CSMD1: variants seen among roughly 807,000 people sequenced by gnomAD.
CSMD1 encodes the protein CUB and sushi domain-containing protein 1.
A neutral mutation model predicts 417.5 loss-of-function variants in CSMD1; 213 were observed. The observed-to-expected ratio is 0.51, with a 90% CI of 0.46 to 0.57. The LOEUF is 0.57. Ranked by LOEUF, CSMD1 falls within the 20% of genes least tolerant of loss-of-function variation. The pLI, the probability that CSMD1 is intolerant of heterozygous loss-of-function variation, is 0.00. For synonymous variants in CSMD1, 2,862 were observed against 1,736.8 expected (o/e 1.65, Z -16.11); for missense variants, 6,923 against 4,529.7 (o/e 1.53, Z -15.17).
chr8:3,793,195 G>A (rs934456932), intron 5 of CSMD1, among the ~76,000 whole-genome samples: 3 of 152,236 alleles, frequency 2.0e-5, no homozygotes, highest in Middle Eastern at 6.8e-3. Context: ...TTTCTGTTTA[G>A]CAATTTTTCT....
intron 3 of CSMD1, among the ~76,000 whole-genome samples, chr8:4,175,545 G>T (rs1051155643): frequency 6.6e-6 from 1 of 152,098 alleles, no homozygotes; most frequent in African/African-American, 2.4e-5. Context: ...ATGTAGACAT[G>T]ATAAAACCAG....
At chr8:3,800,197 G>A (rs532100461) in intron 5 of CSMD1, among the ~76,000 whole-genome samples, 1 of 152,100 alleles carries the variant, frequency 6.6e-6, no homozygotes, top group Non-Finnish European at 1.5e-5. Context: ...ATTCAGCAGA[G>A]AGCAGAACTT....
chr8:3,956,661 G>A (rs926190754), intron 5 of CSMD1, among the ~76,000 whole-genome samples: 5 of 152,150 alleles, frequency 3.3e-5, no homozygotes, highest in Non-Finnish European at 7.3e-5. Context: ...TAAGACGACT[G>A]AAAATTATGA....
intron 3 of CSMD1, among the ~76,000 whole-genome samples, chr8:4,321,168 G>A (rs574552607): frequency 7.2e-5 from 11 of 151,918 alleles, no homozygotes; most frequent in East Asian, 3.9e-4. Flanking sequence ...CTGTCACCTC[G>A]CACAGTGATC....
chr8:4,582,749 C>T (rs1246730707), intron 2 of CSMD1, among the ~76,000 whole-genome samples: 2 of 152,250 alleles, frequency 1.3e-5, no homozygotes, highest in African/African-American at 2.4e-5. Context: ...CCCTTTGGCC[C>T]ACCGCTGCAC....
In CSMD1 at chr8:3,725,458, G is replaced by A. The variant is rs565663245; in HGVS notation, c.932-16967C>T. ...GACCAAAGCTGAAGGCGACTGTGGG[G>A]CCAAAGGAGAAATACCGGTGCTGAT... On this transcript the variant is annotated intron_variant, in intron 6 of 69. Coordinates refer to ENST00000635120, the MANE Select transcript of CSMD1 (RefSeq NM_033225.6). Among the ~76,000 whole-genome samples, 83 of 152,280 alleles carry A rather than the reference G, an allele frequency of 5.5e-4. No individual in the cohort carries two copies. In the South Asian group the frequency reaches 0.011, roughly 20 times the overall value.
At chr8:4,206,349 C>T (rs190133235) in intron 3 of CSMD1, among the ~76,000 whole-genome samples, 2 of 152,086 alleles carry the variant, frequency 1.3e-5, no homozygotes, top group East Asian at 3.9e-4. Context: ...TTCCCCTCCC[C>T]CCAACCCACC....
intron 5 of CSMD1, among the ~76,000 whole-genome samples, chr8:3,893,750 T>C (rs932016537): frequency 3.3e-5 from 5 of 152,082 alleles, no homozygotes; most frequent in Non-Finnish European, 7.4e-5. Flanking sequence ...CGCTTTGTAA[T>C]TGAGCTCATT....
chr8:4,097,733 A>G (rs1801095170), intron 3 of CSMD1, among the ~76,000 whole-genome samples: 1 of 152,234 alleles, frequency 6.6e-6, no homozygotes, highest in African/African-American at 2.4e-5. Context: ...TAATACTTAA[A>G]AAACAAATTC....
chr8:4,042,815 T>TAAAAGAAAAAAAAAA (rs1797959428), intron 3 of CSMD1, among the ~76,000 whole-genome samples: 1 of 41,312 alleles, frequency 2.4e-5, no homozygotes, highest in African/African-American at 9.7e-5. Flanking sequence ...TACAACATAT[T>TAAAAGAAAAAAAAAA]AAAAAAAAAA....
intron 3 of CSMD1, among the ~76,000 whole-genome samples, chr8:4,124,872 A>T (rs1802675113): frequency 6.6e-6 from 1 of 152,148 alleles, no homozygotes; most frequent in African/African-American, 2.4e-5. Flanking sequence ...TATAGGACAG[A>T]AAAAGGAAAA....
chr8:3,435,436 T>A (rs752456984), intron 12 of CSMD1, among the ~76,000 whole-genome samples: 2 of 152,108 alleles, frequency 1.3e-5, no homozygotes, highest in African/African-American at 2.4e-5. Context: ...TGGATGCCTA[T>A]TGAACACATC....
rs376173422 is a variant in CSMD1 at position 3,367,161 on chromosome 8, C to G, written c.2986G>C (p.Val996Leu). The G allele has an allele frequency of 2.5e-6, 4 of 1,613,480 alleles. No homozygotes were observed. In the African/African-American group the frequency reaches 5.3e-5, roughly 22 times the overall value. ...AACACCGACCCGGTGAGCCTGGCAA[C>G]GGGCTCGGAAAAACTTCCATCCTCT... ...ITEDGSFSEP[V>L]ARLTGSVLPH... The change falls in exon 20 of 70, where the codon GTT (valine) becomes CTT (leucine). Residue 996 changes from valine (V) to leucine (L), a missense_variant. Coordinates refer to ENST00000635120, the MANE Select transcript of CSMD1 (RefSeq NM_033225.6).
intron 1 of CSMD1, among the ~76,000 whole-genome samples, chr8:4,740,959 A>T (rs1585027019): frequency 1.3e-5 from 2 of 152,348 alleles, no homozygotes; most frequent in South Asian, 4.1e-4. Context: ...TATTAAAAAC[A>T]TAATTATTTC....
chr8:3,275,343 T>C (rs1802197152), intron 26 of CSMD1, among the ~76,000 whole-genome samples: 1 of 152,176 alleles, frequency 6.6e-6, no homozygotes, highest in Admixed American at 6.6e-5. Flanking sequence ...CCAACCTTTC[T>C]CTCTGGCTGC....
intron 10 of CSMD1, among the ~76,000 whole-genome samples, chr8:3,506,329 G>C (rs184438590): frequency 5.1e-4 from 78 of 152,296 alleles, no homozygotes; most frequent in Non-Finnish European, 9.6e-4. Context: ...GACATCCAAA[G>C]AGACAAGGAG....
chr8:3,311,112 G>C (rs1307445068), intron 23 of CSMD1, among the ~76,000 whole-genome samples: 3 of 151,766 alleles, frequency 2.0e-5, no homozygotes, highest in Non-Finnish European at 4.4e-5. Context: ...CTTTCCAAAT[G>C]TCTTAAATTC....
chr8:4,874,955 T>C (rs550210224), intron 1 of CSMD1, among the ~76,000 whole-genome samples: 1 of 151,648 alleles, frequency 6.6e-6, no homozygotes, highest in East Asian at 1.9e-4. Context: ...CATTTTTATC[T>C]TTTGCTTTTT....
chr8:4,471,793 A>G (rs138547874), intron 2 of CSMD1, among the ~76,000 whole-genome samples: 53 of 152,246 alleles, frequency 3.5e-4, no homozygotes, highest in African/African-American at 1.1e-3. Flanking sequence ...AGCAATATAT[A>G]GATGTTAACA....
Sources: gnomAD v4.1 joint callset for allele counts (sites outside exome capture counted in the v4.1 genomes callset) on GRCh38, gnomAD v4.1.1 for gene constraint, MANE v1.5 for transcripts, NCBI Gene and HGNC (gene_info 2026-07-23, HGNC 2026-07-21) for gene names.